Variants in FIG4 observed in about 807,000 individuals in gnomAD.
FIG4 encodes the protein polyphosphoinositide phosphatase.
FIG4 carries 112 observed loss-of-function variants against 118.6 expected under a neutral mutation model. The ratio of observed to expected loss-of-function variants is 0.94; its 90% CI spans 0.81 to 1.11. FIG4 has a LOEUF of 1.11. Ranked by LOEUF, FIG4 falls within the 50% of genes least tolerant of loss-of-function variation. The pLI is 0.00. For synonymous variants in FIG4, 369 were observed against 381.2 expected (o/e 0.97, Z 0.37); for missense variants, 969 against 1,111.7 (o/e 0.87, Z 1.83).
Position 109,756,668 on chromosome 6 carries a change from C to T in FIG4, c.1138-3582C>T, listed in dbSNP as rs555360568. ...TCTTTTTTCTCTAAACTTCCCTTCT[C>T]GCTTCATTTCATTCATTTCATCTTC... On this transcript the variant is annotated intron_variant, in intron 10 of 22. Transcript: ENST00000230124. 9.9e-3 allele frequency among the ~76,000 whole-genome samples: 1,502 copies of T among 152,232 alleles called. 17 individuals carry two copies. Among genetic ancestry groups the T allele is most frequent in the Non-Finnish European group, 0.016 (1,093 of 68,008 alleles).
At chr6:109,735,097 A>G in intron 5 of FIG4, 53 bp from the exon 6 acceptor site, 5 of 1,520,780 alleles carry the variant, frequency 3.3e-6, no homozygotes, top group Non-Finnish European at 4.6e-6. Context: ...CGCCAAGACC[A>G]TGAAATATGC....
At chr6:109,743,459 AAATT>A in intron 9 of FIG4, 187 bp downstream of exon 9, 1 of 668,860 alleles carries the variant, frequency 1.5e-6, no homozygotes, top group Non-Finnish European at 2.6e-6. Flanking sequence ...ACTGTTAAAT[AAATT>A]ATTTTTATTT....
intron 16 of FIG4, 140 bp from the exon 17 acceptor site, chr6:109,784,830 A>C: frequency 2.0e-6 from 1 of 509,482 alleles, no homozygotes; most frequent in Non-Finnish European, 3.5e-6. Flanking sequence ...AAAGCTTTGC[A>C]AACATGTTTT....
At position 109,786,509 on chromosome 6, in the gene FIG4, A is replaced by G. The variant is rs1777963202; in HGVS notation, c.2096+60A>G. The stretch of plus-strand genomic sequence containing the variant: ...GAGAACTGTAGTTTTCCTAGTTTGT[A>G]TATATATGTCTGTCTTTACCAGAAA... On this transcript the variant is annotated intron_variant, in intron 18 of 22. Coordinates refer to ENST00000230124, the MANE Select transcript of FIG4 (RefSeq NM_014845.6). 4.4e-6 allele frequency: 7 copies of G among 1,576,862 alleles called. No individual in the cohort carries two copies. The Admixed American group carries it at 5.0e-5, about 11-fold the overall frequency.
At chr6:109,744,568 G>A (rs1776424538) in intron 10 of FIG4, among the ~76,000 whole-genome samples, 1 of 152,032 alleles carries the variant, frequency 6.6e-6, no homozygotes, top group Admixed American at 6.6e-5. Flanking sequence ...GTTAATAAAT[G>A]TAGATGAGTT....
chr6:109,763,529 G>A (rs1288680506), intron 12 of FIG4, among the ~76,000 whole-genome samples: 1 of 152,212 alleles, frequency 6.6e-6, no homozygotes, highest in Admixed American at 6.5e-5. Flanking sequence ...GCTGGGGGAG[G>A]TAGAGAATCC....
intron 16 of FIG4, among the ~76,000 whole-genome samples, chr6:109,778,740 G>A (rs891024776): frequency 6.6e-5 from 10 of 151,936 alleles, no homozygotes; most frequent in Non-Finnish European, 1.0e-4. Flanking sequence ...CTGGGACTAT[G>A]GGTGCCCACC....
intron 15 of FIG4, among the ~76,000 whole-genome samples, chr6:109,770,564 T>A (rs1583709188): frequency 1.3e-5 from 2 of 152,220 alleles, no homozygotes; most frequent in East Asian, 3.9e-4. Context: ...AGAGGTTGAA[T>A]TGGCCCATGA....
intron 22 of FIG4, among the ~76,000 whole-genome samples, chr6:109,812,311 C>G (rs1287312023): frequency 1.3e-5 from 2 of 152,090 alleles, no homozygotes; most frequent in Non-Finnish European, 1.5e-5. Flanking sequence ...AAGCCTGGGT[C>G]AAAGGCACAG....
At chr6:109,801,655 GC>G (rs769039428) in intron 22 of FIG4, among the ~76,000 whole-genome samples, 2 of 152,208 alleles carry the variant, frequency 1.3e-5, no homozygotes, top group African/African-American at 4.8e-5. Flanking sequence ...CTGGGTGAAT[GC>G]CCCTCGGTGT....
chr6:109,825,186 C>G lies in FIG4; in HGVS notation c.2645C>G (p.Ala882Gly). The change falls in exon 23 of 23, where the codon GCC (alanine) becomes GGC (glycine). Residue 882 changes from alanine to glycine, a missense_variant. By Grantham distance (60) the Ala-to-Gly change is moderately conservative. This residue lies in a region of FIG4 where 330 missense variants were observed against 348.1 expected (regional missense o/e 0.95). Transcript: ENST00000230124. ...GAGATCTTCCAAGCCCACATCCAGG[C>G]CAGCCAAGGTATCATGCAGCCCCTA... is the stretch of plus-strand genomic sequence containing the variant. ...STEIFQAHIQASQGIMQPLGK... is the reference protein window; with the variant it reads ...STEIFQAHIQGSQGIMQPLGK... 6.2e-7 allele frequency: 1 copy of G among 1,614,042 alleles called. No individual in the cohort carries two copies.
intron 22 of FIG4, among the ~76,000 whole-genome samples, chr6:109,822,657 G>A (rs935095268): frequency 2.0e-5 from 3 of 151,546 alleles, no homozygotes; most frequent in Non-Finnish European, 4.4e-5. Context: ...AACCCCATAT[G>A]CTCATTAACT....
At chr6:109,816,956 G>A (rs1233413883) in intron 22 of FIG4, among the ~76,000 whole-genome samples, 1 of 152,216 alleles carries the variant, frequency 6.6e-6, no homozygotes, top group Non-Finnish European at 1.5e-5. Context: ...CAGCAGGAGT[G>A]GCTACCGCTG....
intron 15 of FIG4, among the ~76,000 whole-genome samples, chr6:109,775,649 G>A (rs1777596381): frequency 6.6e-6 from 1 of 152,158 alleles, no homozygotes; most frequent in Non-Finnish European, 1.5e-5. Context: ...AATTGGGGCA[G>A]TAATGTATGC....
chr6:109,697,107 A>C lies in FIG4; in HGVS notation c.66+5606A>C, dbSNP rs909292146. On this transcript the variant is annotated intron_variant, in intron 1 of 22. Coordinates refer to ENST00000230124, the MANE Select transcript of FIG4 (RefSeq NM_014845.6). Reference sequence around the variant, plus strand: ...GAAACCCCGTCTCTACTAAAAATACAAAAAATTAGCTGGGCATGGTGGTGG... The same window carrying C: ...GAAACCCCGTCTCTACTAAAAATACCAAAAATTAGCTGGGCATGGTGGTGG... 4.6e-5 allele frequency among the ~76,000 whole-genome samples: 7 copies of C among 152,092 alleles called. No individual in the cohort carries two copies. The East Asian group carries it at 7.7e-4, about 17-fold the overall frequency.
At chr6:109,804,277 A>G (rs1778506584) in intron 22 of FIG4, among the ~76,000 whole-genome samples, 3 of 152,128 alleles carry the variant, frequency 2.0e-5, no homozygotes, top group African/African-American at 7.2e-5. Context: ...CCAAATTATC[A>G]TCAGTTTTGT....
At chr6:109,773,861 A>T (rs1466802933) in intron 15 of FIG4, among the ~76,000 whole-genome samples, 2 of 152,126 alleles carry the variant, frequency 1.3e-5, no homozygotes, top group African/African-American at 2.4e-5. Flanking sequence ...CTGTAGAGAT[A>T]GGGTCTCCCT....
intron 21 of FIG4, among the ~76,000 whole-genome samples, chr6:109,794,352 C>T (rs1365644323): frequency 6.6e-6 from 1 of 152,104 alleles, no homozygotes; most frequent in African/African-American, 2.4e-5. Flanking sequence ...CCTTTTTGTT[C>T]TCTTGATCAT....
intron 3 of FIG4, among the ~76,000 whole-genome samples, chr6:109,725,869 A>G (rs918484195): frequency 6.6e-6 from 1 of 151,862 alleles, no homozygotes; most frequent in Non-Finnish European, 1.5e-5. Context: ...GCTTTTTTTC[A>G]TATATTTGTT....
Sources: allele counts gnomAD v4.1 joint callset (sites outside exome capture counted in the v4.1 genomes callset), GRCh38; gene constraint gnomAD v4.1.1; regional missense constraint gnomAD v4.1.1; transcripts MANE v1.5; gene names NCBI Gene and HGNC (gene_info 2026-07-23, HGNC 2026-07-21).